Variants in B4GALT5 observed in about 807,000 individuals in gnomAD.
The protein encoded by B4GALT5 is UDP-Gal:beta-GlcNAc beta-1,4-galactosyltransferase 5.
A neutral mutation model predicts 45.0 loss-of-function variants in B4GALT5; 11 were observed. The ratio of observed to expected loss-of-function variants is 0.24; its 90% CI spans 0.15 to 0.40. B4GALT5 has a LOEUF of 0.40. Ranked by LOEUF, B4GALT5 falls within the 10% of genes least tolerant of loss-of-function variation. B4GALT5 has a pLI of 1.00. For synonymous variants in B4GALT5, 185 were observed against 182.9 expected, an observed-to-expected ratio of 1.01 and a Z score of -0.09; for missense variants, 337 against 500.2, an observed-to-expected ratio of 0.67 and a Z score of 3.11.
At chr20:49,637,078 A>G (rs1230586965) in intron 8 of B4GALT5, among the ~76,000 whole-genome samples, 2 of 152,132 alleles carry the variant, frequency 1.3e-5, no homozygotes, top group Non-Finnish European at 2.9e-5. Flanking sequence ...CAAATTCCCC[A>G]AAGGCTACTG....
chr20:49,665,749 G>C (rs1367482712), intron 1 of B4GALT5, among the ~76,000 whole-genome samples: 2 of 148,412 alleles, frequency 1.3e-5, no homozygotes, highest in Admixed American at 6.9e-5. Context: ...GATCATATTG[G>C]GAGCAGGGGC....
chr20:49,688,339 C>G (rs571245540), intron 1 of B4GALT5, among the ~76,000 whole-genome samples: 1 of 152,214 alleles, frequency 6.6e-6, no homozygotes, highest in African/African-American at 2.4e-5. Context: ...TCAGGACACA[C>G]CGTGGGGGAC....
intron 1 of B4GALT5, among the ~76,000 whole-genome samples, chr20:49,701,800 C>T (rs1201617426): frequency 4.6e-5 from 7 of 152,104 alleles, no homozygotes; most frequent in Non-Finnish European, 8.8e-5. Context: ...ACAGGCTAGG[C>T]GTGGTGGCTC....
intron 1 of B4GALT5, among the ~76,000 whole-genome samples, chr20:49,669,382 T>C (rs969875649): frequency 1.3e-5 from 2 of 152,172 alleles, no homozygotes; most frequent in African/African-American, 4.8e-5. Context: ...TGATAAATAG[T>C]AGGCATTTAG....
intron 3 of B4GALT5, 61 bp downstream of exon 3, chr20:49,646,904 A>C: frequency 9.7e-7 from 1 of 1,026,598 alleles, no homozygotes; most frequent in Non-Finnish European, 1.5e-6. Flanking sequence ...AGAGAGATCA[A>C]GAGTGCCCTC....
intron 3 of B4GALT5, among the ~76,000 whole-genome samples, chr20:49,644,495 G>A (rs76804674): frequency 0.02 from 2,972 of 152,320 alleles, 104 homozygotes; most frequent in African/African-American, 0.069. Context: ...CCATTCACCA[G>A]TGGGTCAGGA....
intron 1 of B4GALT5, among the ~76,000 whole-genome samples, chr20:49,684,101 G>A (rs1023631783): frequency 6.6e-6 from 1 of 151,602 alleles, no homozygotes; most frequent in East Asian, 1.9e-4. Context: ...AGATCACACC[G>A]CTGCTTTCCA....
intron 1 of B4GALT5, among the ~76,000 whole-genome samples, chr20:49,712,924 G>C (rs564311816): frequency 1.1e-4 from 16 of 151,816 alleles, no homozygotes; most frequent in Admixed American, 3.9e-4. Context: ...AAGGGGAAGG[G>C]GGGTGCCACC....
Position 49,713,472 on chromosome 20 carries a change from C to T in B4GALT5, c.115+104G>A, listed in dbSNP as rs2085928965. On this transcript the variant is annotated intron_variant, in intron 1 of 8. Transcript: ENST00000371711. ...ACTCCGGAGTCTTCGGAGGACCAGG[C>T]TCAGGGCCGCCTCCCGGCCGGGGCC... 4.2e-6 allele frequency: 5 copies of T among 1,204,590 alleles called. No homozygotes were observed. The East Asian group carries it at 9.0e-5, about 22-fold the overall frequency. The allele number at this position is 1,204,590 out of a possible 1,614,324, so 74.6% of individuals were successfully genotyped here.
At chr20:49,684,343 A>C (rs2085776628) in intron 1 of B4GALT5, among the ~76,000 whole-genome samples, 1 of 152,140 alleles carries the variant, frequency 6.6e-6, no homozygotes, top group Admixed American at 6.6e-5. Context: ...CAGGCGGATC[A>C]CAAGGTCAGG....
chr20:49,678,354 A>G (rs2085748735), intron 1 of B4GALT5, among the ~76,000 whole-genome samples: 1 of 152,220 alleles, frequency 6.6e-6, no homozygotes, highest in African/African-American at 2.4e-5. Context: ...CATGTCATGG[A>G]ATTATTTATA....
chr20:49,702,175 C>T (rs1258961647), intron 1 of B4GALT5, among the ~76,000 whole-genome samples: 1 of 152,120 alleles, frequency 6.6e-6, no homozygotes, highest in African/African-American at 2.4e-5. Context: ...GTGTCGCCTG[C>T]CGAATCCGAA....
intron 1 of B4GALT5, among the ~76,000 whole-genome samples, chr20:49,678,207 G>T (rs1239327247): frequency 6.6e-6 from 1 of 152,202 alleles, no homozygotes; most frequent in Non-Finnish European, 1.5e-5. Context: ...CTCCTGATAT[G>T]GCAAGCACAC....
intron 1 of B4GALT5, among the ~76,000 whole-genome samples, chr20:49,670,611 C>T (rs2085711788): frequency 6.6e-6 from 1 of 152,218 alleles, no homozygotes; most frequent in African/African-American, 2.4e-5. Flanking sequence ...ATTTCTTCAA[C>T]ACTGAACTGC....
chr20:49,662,402 C>A (rs961616112), intron 1 of B4GALT5, among the ~76,000 whole-genome samples: 46 of 152,132 alleles, frequency 3.0e-4, no homozygotes, highest in Non-Finnish European at 7.3e-5. Context: ...AGGCTGTTGC[C>A]TACTTCCTTT....
intron 1 of B4GALT5, among the ~76,000 whole-genome samples, chr20:49,702,449 C>CT (rs2085866071): frequency 1.3e-5 from 2 of 152,264 alleles, no homozygotes; most frequent in South Asian, 4.1e-4. Context: ...TCATTAAAAA[C>CT]TTTTTTGTGC....
rs996052528 is a variant in B4GALT5, at chr20:49,713,601, G to A, written c.90C>T (p.Tyr30=). 6.3e-6 allele frequency: 10 copies of A among 1,590,172 alleles called. No individual in the cohort carries two copies. Among genetic ancestry groups the A allele is most frequent in the South Asian group, 5.7e-5 (5 of 88,334 alleles). Residue 30 remains tyrosine (Y), a synonymous_variant, in exon 1 of 9, where the codon TAC becomes TAT. Coordinates refer to ENST00000371711, the MANE Select transcript of B4GALT5 (RefSeq NM_004776.4). The stretch of plus-strand genomic sequence containing the variant: ...CTATGCCGGGCGCCACATAGACGAA[G>A]TACAGCAGCGAGGACGAGAGAGAAA... ...FFFSLSSSLL[Y]FVYVAPGIVN...
chr20:49,696,213 A>G (rs887391286), intron 1 of B4GALT5, among the ~76,000 whole-genome samples: 21 of 152,366 alleles, frequency 1.4e-4, no homozygotes, highest in African/African-American at 4.8e-4. Flanking sequence ...GAGAAAAAAT[A>G]ACAATCTAGA....
chr20:49,635,850 G>A lies in B4GALT5; in HGVS notation c.*462C>T, dbSNP rs1390463577. The A allele has an allele frequency of 6.5e-6, 1 of 154,688 alleles. No individual in the cohort carries two copies. The highest frequency in any genetic ancestry group is 2.4e-5 in the African/African-American group (1 of 41,460). 9.6% of individuals were successfully genotyped at this position (154,688 alleles called of 1,614,324 possible). On this transcript the variant is annotated 3_prime_UTR_variant, in exon 9 of 9. Coordinates refer to ENST00000371711, the MANE Select transcript of B4GALT5 (RefSeq NM_004776.4). The stretch of plus-strand genomic sequence containing the variant: ...ACCAGAGATCTAGAAGAATGGTGTG[G>A]AGTTTCATTTGCTCTTCCTAAAACG...
Sources: allele counts gnomAD v4.1 joint callset (sites outside exome capture counted in the v4.1 genomes callset), GRCh38; gene constraint gnomAD v4.1.1; transcripts MANE v1.5; gene names NCBI Gene and HGNC (gene_info 2026-07-23, HGNC 2026-07-21).